MACROD2: variants seen among roughly 807,000 people sequenced by gnomAD.
MACROD2 encodes the protein ADP-ribose glycohydrolase MACROD2.
In MACROD2, 36 loss-of-function variants were observed where a neutral mutation model predicts 70.4. The ratio of observed to expected loss-of-function variants is 0.51; its 90% CI spans 0.39 to 0.68. The LOEUF (loss-of-function observed/expected upper bound fraction) is 0.68. Among genes scored for constraint, MACROD2 ranks in the 30% least tolerant of loss-of-function variants. MACROD2 has a pLI of 0.00. For missense variants in MACROD2, 496 were observed against 538.4 expected (o/e 0.92, Z 0.78); for synonymous variants, 172 against 178.8 (o/e 0.96, Z 0.30).
At chr20:15,526,891 A>G (rs1194666435) in intron 8 of MACROD2, among the ~76,000 whole-genome samples, 1 of 152,202 alleles carries the variant, frequency 6.6e-6, no homozygotes, top group Non-Finnish European at 1.5e-5. Context: ...GCAGTCCCCA[A>G]ATAATCAATA....
Position 14,968,360 on chromosome 20 carries a change from T to C in MACROD2, c.419-261580T>C, listed in dbSNP as rs549686639. ...GGTCCTTTCTCAATTTGTCACTCAA[T>C]TGATTGTACTCATACATGTGTTAGA... On this transcript the variant is annotated intron_variant, in intron 5 of 17. Transcript: ENST00000684519. Among the ~76,000 whole-genome samples the C allele has an allele frequency of 3.3e-5, 5 of 152,252 alleles. No homozygotes were observed. The South Asian group carries it at 8.3e-4, about 25-fold the overall frequency.
At chr20:14,826,545 G>A (rs1391153782) in intron 5 of MACROD2, among the ~76,000 whole-genome samples, 1 of 151,884 alleles carries the variant, frequency 6.6e-6, no homozygotes, top group South Asian at 2.1e-4. Flanking sequence ...AGTCTATTTT[G>A]CTTTTGGCAG....
At chr20:15,444,591 C>T (rs1600419566) in intron 7 of MACROD2, among the ~76,000 whole-genome samples, 3 of 152,126 alleles carry the variant, frequency 2.0e-5, no homozygotes, top group East Asian at 3.9e-4. Context: ...CTGTACACAT[C>T]GCCTCAGAGT....
At chr20:14,201,277 A>G (rs1240724849) in intron 3 of MACROD2, among the ~76,000 whole-genome samples, 2 of 152,204 alleles carry the variant, frequency 1.3e-5, no homozygotes, top group East Asian at 1.9e-4. Context: ...AAGGCCTTGG[A>G]TAATCTATAA....
chr20:15,497,440 C>T (rs2047312149), intron 7 of MACROD2, among the ~76,000 whole-genome samples: 2 of 152,058 alleles, frequency 1.3e-5, no homozygotes, highest in East Asian at 1.9e-4. Context: ...TACAGGTGCC[C>T]GCCACCACGT....
intron 8 of MACROD2, among the ~76,000 whole-genome samples, chr20:15,630,905 C>T (rs1431222332): frequency 6.6e-6 from 1 of 152,148 alleles, no homozygotes; most frequent in Non-Finnish European, 1.5e-5. Flanking sequence ...ACCACAAAAT[C>T]GATTCCAACA....
At chr20:15,483,067 T>C (rs1441573208) in intron 7 of MACROD2, among the ~76,000 whole-genome samples, 1 of 152,218 alleles carries the variant, frequency 6.6e-6, no homozygotes, top group Non-Finnish European at 1.5e-5. Flanking sequence ...TGTTTTTTAA[T>C]TTTAATGAAA....
chr20:15,633,483 A>G (rs1212824066), intron 8 of MACROD2, among the ~76,000 whole-genome samples: 2 of 152,178 alleles, frequency 1.3e-5, no homozygotes, highest in South Asian at 2.1e-4. Context: ...CATTCAGGAT[A>G]AGTGTTTTGA....
At chr20:15,606,089 C>T (rs1458008755) in intron 8 of MACROD2, among the ~76,000 whole-genome samples, 1 of 152,164 alleles carries the variant, frequency 6.6e-6, no homozygotes, top group South Asian at 2.1e-4. Context: ...TGCTCTATTG[C>T]AAATGCTTCT....
chr20:15,938,011 T>A (rs2065692384), intron 12 of MACROD2, among the ~76,000 whole-genome samples: 1 of 151,796 alleles, frequency 6.6e-6, no homozygotes, highest in South Asian at 2.1e-4. Context: ...AGAGCATCAT[T>A]CTCCATTCTG....
At chr20:15,525,234 G>A (rs1410533804) in intron 8 of MACROD2, among the ~76,000 whole-genome samples, 1 of 152,164 alleles carries the variant, frequency 6.6e-6, no homozygotes, top group African/African-American at 2.4e-5. Flanking sequence ...CCATTATAAT[G>A]TTATATTTGT....
At chr20:15,436,681 G>A (rs984048330) in intron 7 of MACROD2, among the ~76,000 whole-genome samples, 1 of 152,006 alleles carries the variant, frequency 6.6e-6, no homozygotes, top group Admixed American at 6.6e-5. Context: ...CTTATTTGAA[G>A]CCCTCTTCCT....
intron 6 of MACROD2, among the ~76,000 whole-genome samples, chr20:15,378,389 A>C (rs2045594914): frequency 6.6e-6 from 1 of 151,916 alleles, no homozygotes; most frequent in South Asian, 2.1e-4. Context: ...ACTGTGCTGG[A>C]ATGGTGGGGG....
chr20:14,756,484 A>G (rs892224922), intron 5 of MACROD2, among the ~76,000 whole-genome samples: 4 of 152,102 alleles, frequency 2.6e-5, no homozygotes, highest in Non-Finnish European at 5.9e-5. Flanking sequence ...TATCCTGATT[A>G]TTAATTATAT....
In MACROD2 at chr20:14,924,438, C is replaced by T. The variant is rs542951106; in HGVS notation, c.418+239479C>T. Among the ~76,000 whole-genome samples the T allele has an allele frequency of 1.1e-3, 160 of 146,288 alleles. 2 individuals are homozygous for T. The highest frequency in any genetic ancestry group is 3.9e-3 in the African/African-American group (152 of 39,398). On this transcript the variant is annotated intron_variant, in intron 5 of 17. Coordinates refer to ENST00000684519, the MANE Select transcript of MACROD2 (RefSeq NM_001351661.2). ...TGGGTGACAGAGCAATACTCTGCCT[C>T]AAAAAATAAAAATAAAAAATAAAAA...
chr20:14,064,857 C>G (rs2053737244), intron 2 of MACROD2, among the ~76,000 whole-genome samples: 2 of 152,070 alleles, frequency 1.3e-5, no homozygotes, highest in Admixed American at 1.3e-4. Context: ...TGAATAAAGA[C>G]AAGATTAGTA....
intron 4 of MACROD2, among the ~76,000 whole-genome samples, chr20:14,646,303 A>T (rs556010756): frequency 3.9e-5 from 6 of 151,910 alleles, no homozygotes; most frequent in Non-Finnish European, 1.5e-5. Flanking sequence ...TTTACAACTC[A>T]TAAAAGCACT....
rs1046284763 is a variant in MACROD2, at chr20:14,682,254, G to A, written c.302-2589G>A. ...CTAATTACCTCTTTGCCAAGAAAAC[G>A]TTTACTTTAAAATACTTTTCTTAAA... On this transcript the variant is annotated intron_variant, in intron 4 of 17. Transcript: ENST00000684519. 2.6e-5 allele frequency among the ~76,000 whole-genome samples: 4 copies of A among 151,988 alleles called. No homozygotes were observed. The East Asian group carries it at 5.8e-4, about 22-fold the overall frequency.
At chr20:15,223,394 T>A (rs942624171) in intron 5 of MACROD2, among the ~76,000 whole-genome samples, 1 of 152,220 alleles carries the variant, frequency 6.6e-6, no homozygotes, top group Non-Finnish European at 1.5e-5. Flanking sequence ...GAAGTTATGA[T>A]GCTAATTCTG....
Sources: gnomAD v4.1 joint callset for allele counts (sites outside exome capture counted in the v4.1 genomes callset) on GRCh38, gnomAD v4.1.1 for gene constraint, MANE v1.5 for transcripts, NCBI Gene and HGNC (gene_info 2026-07-23, HGNC 2026-07-21) for gene names.